Variants in MAML3 observed in about 807,000 individuals in gnomAD.
The protein encoded by MAML3 is mastermind like transcriptional coactivator 3, also known as mastermind-like protein 3.
In MAML3, 27 loss-of-function variants were observed where a neutral mutation model predicts 101.9. The ratio of observed to expected loss-of-function variants is 0.27; its 90% CI spans 0.20 to 0.37. The LOEUF is 0.37. MAML3 is among the 10% of genes least tolerant of loss of function. The probability of loss-of-function intolerance (pLI) is 1.00; values close to 1 mark genes in which losing one functional copy is unlikely to be tolerated. For synonymous variants in MAML3, 501 were observed against 555.9 expected (o/e 0.90, Z 1.39); for missense variants, 1,316 against 1,444.9 (o/e 0.91, Z 1.45).
intron 1 of MAML3, among the ~76,000 whole-genome samples, chr4:139,968,309 T>TAAAAAAA (rs60977680): frequency 6.6e-5 from 7 of 106,286 alleles, no homozygotes; most frequent in African/African-American, 2.3e-4. Flanking sequence ...GGCTCTGTCT[T>TAAAAAAA]AAAAAAAAAA....
chr4:139,810,646 G>A (rs955214183), intron 2 of MAML3, among the ~76,000 whole-genome samples: 3 of 152,124 alleles, frequency 2.0e-5, no homozygotes, highest in Admixed American at 2.0e-4. Context: ...TATGTGTCAG[G>A]TATATATCTT....
intron 1 of MAML3, among the ~76,000 whole-genome samples, chr4:140,017,041 T>C (rs954824296): frequency 1.3e-5 from 2 of 152,214 alleles, no homozygotes; most frequent in Non-Finnish European, 2.9e-5. Flanking sequence ...GAGAAAATAT[T>C]TGCAAACCAT....
chr4:139,971,336 A>G (rs1286542794), intron 1 of MAML3, among the ~76,000 whole-genome samples: 1 of 152,234 alleles, frequency 6.6e-6, no homozygotes, highest in Non-Finnish European at 1.5e-5. Context: ...GACTCTCTTT[A>G]TCTCCAGCTC....
chr4:139,849,071 T>G (rs746965195), intron 2 of MAML3, among the ~76,000 whole-genome samples: 1 of 152,218 alleles, frequency 6.6e-6, no homozygotes, highest in African/African-American at 2.4e-5. Context: ...CTTCCTGACA[T>G]ATATATTTAA....
chr4:140,128,309 C>G (rs1390759387), intron 1 of MAML3, among the ~76,000 whole-genome samples: 1 of 152,180 alleles, frequency 6.6e-6, no homozygotes, highest in Admixed American at 6.5e-5. Context: ...GATACAGTCA[C>G]AGATGAGCGA....
At chr4:139,896,166 A>C (rs769293004) in intron 1 of MAML3, among the ~76,000 whole-genome samples, 3 of 152,098 alleles carry the variant, frequency 2.0e-5, no homozygotes, top group Non-Finnish European at 4.4e-5. Context: ...GTGGCTGAGA[A>C]GGCTGATTCA....
At chr4:139,799,067 C>G (rs1365742206) in intron 2 of MAML3, among the ~76,000 whole-genome samples, 1 of 152,176 alleles carries the variant, frequency 6.6e-6, no homozygotes, top group Non-Finnish European at 1.5e-5. Flanking sequence ...GTTTCTATCC[C>G]GAGCTTGCTT....
intron 1 of MAML3, among the ~76,000 whole-genome samples, chr4:140,095,142 C>A (rs111830476): frequency 6.6e-6 from 1 of 152,242 alleles, no homozygotes; most frequent in Admixed American, 6.5e-5. Flanking sequence ...AGAGTACCTG[C>A]CCTTGGGGTG....
chr4:140,045,082 A>T (rs1418456524), intron 1 of MAML3, among the ~76,000 whole-genome samples: 1 of 152,174 alleles, frequency 6.6e-6, no homozygotes, highest in Non-Finnish European at 1.5e-5. Flanking sequence ...TTTTCTTCCC[A>T]GTTTTAATGT....
intron 1 of MAML3, among the ~76,000 whole-genome samples, chr4:140,115,254 A>G (rs1578692031): frequency 6.6e-6 from 1 of 152,350 alleles, no homozygotes; most frequent in Non-Finnish European, 1.5e-5. Context: ...ATAACAATAC[A>G]TTTTATTTTT....
At chr4:139,892,196 A>G (rs1732513231) in intron 1 of MAML3, among the ~76,000 whole-genome samples, 1 of 152,220 alleles carries the variant, frequency 6.6e-6, no homozygotes, top group Non-Finnish European at 1.5e-5. Context: ...CACTAAATCC[A>G]ATGTTCTCCT....
At chr4:139,853,082 A>ACCAG (rs1215287112) in intron 2 of MAML3, among the ~76,000 whole-genome samples, 3 of 152,228 alleles carry the variant, frequency 2.0e-5, no homozygotes, top group African/African-American at 7.2e-5. Flanking sequence ...TGACTAGGTG[A>ACCAG]CCAGAACCAG....
intron 2 of MAML3, among the ~76,000 whole-genome samples, chr4:139,748,529 G>A (rs774811126): frequency 1.1e-4 from 17 of 152,198 alleles, no homozygotes; most frequent in Non-Finnish European, 2.2e-4. Context: ...TAAAACTGAA[G>A]GAGCAGGAGG....
In MAML3 at chr4:139,889,757, T is replaced by C. The variant is rs771899505; in HGVS notation, c.1679A>G (p.Asn560Ser). The change falls in exon 2 of 5, where the codon AAC becomes AGC. Residue 560 changes from asparagine to serine, a missense_variant. Asn to Ser is a conservative substitution (Grantham distance 46). Transcript: ENST00000509479. ...QNPIVPPMAN[N>S]LQKTTMNNYL... is the part of the protein sequence containing the mutation. ...GTTATTCATTGTTGTCTTCTGCAGG[T>C]TGTTTGCCATTGGAGGCACTATAGG... The C allele has an allele frequency of 2.5e-5, 40 of 1,613,946 alleles. No individual in the cohort carries two copies. The highest frequency in any genetic ancestry group is 3.4e-5 in the Non-Finnish European group (40 of 1,179,902).
intron 2 of MAML3, among the ~76,000 whole-genome samples, chr4:139,875,136 T>C (rs1247516158): frequency 6.6e-6 from 1 of 152,058 alleles, no homozygotes; most frequent in Admixed American, 6.5e-5. Flanking sequence ...AAACCTAAAG[T>C]ACAAACAGGT....
intron 2 of MAML3, among the ~76,000 whole-genome samples, chr4:139,780,482 G>C (rs1730178888): frequency 6.6e-6 from 1 of 152,110 alleles, no homozygotes; most frequent in South Asian, 2.1e-4. Flanking sequence ...TGCTTATTCT[G>C]CCAAACTCCA....
In MAML3 at chr4:139,834,934, C is replaced by G. The variant is rs113896400; in HGVS notation, c.2079+54423G>C. On this transcript the variant is annotated intron_variant, in intron 2 of 4. Coordinates refer to ENST00000509479, the MANE Select transcript of MAML3 (RefSeq NM_018717.5). ...TTTACTCCAAGAAGTTAATTTTGAT[C>G]ACTGCAAAGGGAAAAGTAATCTTAA... Among the ~76,000 whole-genome samples, 295 of 152,234 alleles carry G rather than the reference C, an allele frequency of 1.9e-3. 1 individual carries two copies. The highest frequency in any genetic ancestry group is 3.5e-3 in the Admixed American group (54 of 15,292).
intron 2 of MAML3, among the ~76,000 whole-genome samples, chr4:139,766,163 G>T (rs1729855838): frequency 9.4e-6 from 1 of 106,706 alleles, no homozygotes; most frequent in Admixed American, 1.4e-4. Flanking sequence ...TCCCTTCATG[G>T]TCTTTCTTTT....
chr4:139,893,173 G>A (rs1732538564), intron 1 of MAML3, among the ~76,000 whole-genome samples: 1 of 152,110 alleles, frequency 6.6e-6, no homozygotes, highest in Admixed American at 6.5e-5. Flanking sequence ...TCTGCCTCTA[G>A]GGCATTGTCC....
Sources: allele counts gnomAD v4.1 joint callset (sites outside exome capture counted in the v4.1 genomes callset), GRCh38; gene constraint gnomAD v4.1.1; transcripts MANE v1.5; gene names NCBI Gene and HGNC (gene_info 2026-07-23, HGNC 2026-07-21).